The following KLHL6 variants were observed in gnomAD, a reference collection of about 807,000 sequenced individuals.
KLHL6 encodes kelch-like protein 6.
KLHL6 carries 41 observed loss-of-function variants against 58.6 expected under a neutral mutation model. That is an observed-to-expected ratio of 0.70 (90% confidence interval 0.55 to 0.91). The LOEUF (loss-of-function observed/expected upper bound fraction) is 0.91, where lower values mean the gene tolerates loss of function less well. Ranked by LOEUF, KLHL6 falls within the 40% of genes least tolerant of loss-of-function variation. The pLI is 0.00. For missense variants in KLHL6, 714 were observed against 805.6 expected (o/e 0.89, Z 1.38); for synonymous variants, 338 against 322.7 (o/e 1.05, Z -0.51).
At position 183,492,645 on chromosome 3, in the gene KLHL6, A is replaced by G; in HGVS notation, c.1413T>C (p.Tyr471=). The G allele has an allele frequency of 6.2e-7, 1 of 1,614,114 alleles. No individual in the cohort carries two copies. ...FAATSHKKKL[Y]VIGGGPNGKL... ...TCCCATTGGGCCCTCCCCCGATCAC[A>G]TACAGCTTCTTCTTATGGCTGGTGG... Residue 471 remains tyrosine, a synonymous_variant, in exon 6 of 7, where the codon TAT becomes TAC. Coordinates refer to ENST00000341319, the MANE Select transcript of KLHL6 (RefSeq NM_130446.4). This position sits in a 1 kb window ranked among gnomAD's most constrained non-coding sequence, Gnocchi z 5.9.
At chr3:183,539,163 T>G (rs892276302) in intron 1 of KLHL6, among the ~76,000 whole-genome samples, 1 of 152,220 alleles carries the variant, frequency 6.6e-6, no homozygotes, top group Non-Finnish European at 1.5e-5. Flanking sequence ...GGAGACTGAA[T>G]GAAGATCAAG....
At chr3:183,536,219 A>G (rs1384829287) in intron 1 of KLHL6, among the ~76,000 whole-genome samples, 1 of 152,220 alleles carries the variant, frequency 6.6e-6, no homozygotes, top group Non-Finnish European at 1.5e-5. Flanking sequence ...GGGGGGAGGA[A>G]GCCCAGCAAG....
intron 1 of KLHL6, among the ~76,000 whole-genome samples, chr3:183,534,087 T>A: frequency 9.2e-6 from 1 of 108,352 alleles, no homozygotes; most frequent in South Asian, 2.9e-4. Flanking sequence ...TAAAAGTACT[T>A]TACTTTTAAA....
At position 183,555,404 on chromosome 3, in the gene KLHL6, A is replaced by T; in HGVS notation, c.250T>A (p.Ser84Thr). Residue 84 changes from serine to threonine, a missense_variant, in exon 1 of 7, where the codon TCC becomes ACC. By Grantham distance (58) the Ser-to-Thr change is moderately conservative. Coordinates refer to ENST00000341319, the MANE Select transcript of KLHL6 (RefSeq NM_130446.4). ...VILCVDIQEFSCHRVVLAAAS... is the reference protein window; with the variant it reads ...VILCVDIQEFTCHRVVLAAAS... ...GCGGCAAGCACCACGCGGTGGCAGG[A>T]GAATTCCTGAATGTCCACACACAAG... 6.2e-7 allele frequency: 1 copy of T among 1,614,190 alleles called. No individual in the cohort carries two copies. The highest frequency in any genetic ancestry group is 1.6e-4 in the Middle Eastern group (1 of 6,062).
rs1444733866 is a variant in KLHL6, at chr3:183,492,890, C to T, written c.1351-183G>A. On this transcript the variant is annotated intron_variant, in intron 5 of 6. Coordinates refer to ENST00000341319, the MANE Select transcript of KLHL6 (RefSeq NM_130446.4). This position sits in a 1 kb window ranked among gnomAD's most constrained non-coding sequence, Gnocchi z 5.9. ...AAGAATGAAAGCATGCATTTCCCAC[C>T]CTCCCTCCAGGCTCCACGCAAGCTA... 3.4e-6 allele frequency: 2 copies of T among 589,428 alleles called. No homozygotes were observed. Among genetic ancestry groups the T allele is most frequent in the East Asian group, 5.8e-5 (2 of 34,598 alleles). The allele number at this position is 589,428 out of a possible 1,614,324, so 36.5% of individuals were successfully genotyped here.
chr3:183,554,098 G>A (rs1225838902), intron 1 of KLHL6, among the ~76,000 whole-genome samples: 1 of 152,150 alleles, frequency 6.6e-6, no homozygotes, highest in Non-Finnish European at 1.5e-5. Context: ...AATTCTAAGG[G>A]TATTTCTTTT....
In KLHL6 at chr3:183,525,270, AC is replaced by A. The variant is rs900251669; in HGVS notation, c.459+2574del. On this transcript the variant is annotated intron_variant, in intron 2 of 6. Coordinates refer to ENST00000341319, the MANE Select transcript of KLHL6 (RefSeq NM_130446.4). ...CAGAGTGAGACTCTCTAAAAAAAAA[AC>A]ACACACACACACACACACACACACT... Among the ~76,000 whole-genome samples the A allele has an allele frequency of 4.1e-4, 58 of 141,066 alleles. No individual in the cohort carries two copies. In the East Asian group the frequency reaches 0.011, roughly 27 times the overall value. 92.5% of individuals were successfully genotyped at this position (141,066 alleles called of 152,430 possible). A position where few individuals can be genotyped will look rare whatever the true frequency, so the allele number is the denominator to read the frequency against.
chr3:183,535,064 C>T (rs1577198557), intron 1 of KLHL6, among the ~76,000 whole-genome samples: 1 of 151,800 alleles, frequency 6.6e-6, no homozygotes, highest in East Asian at 1.9e-4. Context: ...CCTGCCTCAG[C>T]CTCTTGAGTA....
chr3:183,530,980 C>T (rs998429582), intron 1 of KLHL6, among the ~76,000 whole-genome samples: 4 of 151,844 alleles, frequency 2.6e-5, no homozygotes, highest in Non-Finnish European at 4.4e-5. Context: ...TATAGGCACT[C>T]GCCACCACGC....
intron 2 of KLHL6, among the ~76,000 whole-genome samples, chr3:183,526,548 A>C (rs1711978720): frequency 6.6e-6 from 1 of 152,186 alleles, no homozygotes. Context: ...AACTGAGTAC[A>C]ATCGCTTCAG....
intron 3 of KLHL6, among the ~76,000 whole-genome samples, chr3:183,501,565 G>A (rs919993180): frequency 1.3e-5 from 2 of 152,170 alleles, no homozygotes; most frequent in Non-Finnish European, 2.9e-5. Context: ...CCTGTTGGGT[G>A]ATTGAGAGGC....
At chr3:183,531,514 A>G (rs561505157) in intron 1 of KLHL6, among the ~76,000 whole-genome samples, 4 of 143,458 alleles carry the variant, frequency 2.8e-5, no homozygotes, top group Non-Finnish European at 4.5e-5. Flanking sequence ...CAGTGGCACA[A>G]TCTTGGCTCA....
intron 2 of KLHL6, among the ~76,000 whole-genome samples, chr3:183,514,441 G>C (rs1711507274): frequency 6.6e-6 from 1 of 151,874 alleles, no homozygotes; most frequent in Non-Finnish European, 1.5e-5. Context: ...GCCATCTCTC[G>C]GCCTGAGCTG....
chr3:183,508,540 A>G (rs748734043), intron 2 of KLHL6, 32 bp from the exon 3 acceptor site: 11 of 1,589,554 alleles, frequency 6.9e-6, no homozygotes, highest in East Asian at 6.7e-5. Context: ...AAAGGAGGCC[A>G]GAAAATGGTG....
chr3:183,510,742 C>T (rs1216802506), intron 2 of KLHL6, among the ~76,000 whole-genome samples: 3 of 151,950 alleles, frequency 2.0e-5, no homozygotes, highest in African/African-American at 7.3e-5. Context: ...GGCGTGGTGG[C>T]ACATGCCTGT....
At chr3:183,537,445 C>T (rs1401313172) in intron 1 of KLHL6, among the ~76,000 whole-genome samples, 1 of 152,154 alleles carries the variant, frequency 6.6e-6, no homozygotes, top group Non-Finnish European at 1.5e-5. Context: ...AAAACACTTT[C>T]TAGAAAGACA....
At chr3:183,541,121 A>G (rs1712538448) in intron 1 of KLHL6, among the ~76,000 whole-genome samples, 1 of 152,222 alleles carries the variant, frequency 6.6e-6, no homozygotes, top group Non-Finnish European at 1.5e-5. Context: ...GAAACTTGCA[A>G]GCTGGCACTG....
At chr3:183,536,619 C>G (rs929204041) in intron 1 of KLHL6, among the ~76,000 whole-genome samples, 69 of 152,288 alleles carry the variant, frequency 4.5e-4, no homozygotes, top group African/African-American at 1.6e-3. Context: ...CAGTGAGCTG[C>G]ACAGAAGAAT....
intron 2 of KLHL6, among the ~76,000 whole-genome samples, chr3:183,526,384 A>G (rs1711968677): frequency 6.6e-6 from 1 of 152,212 alleles, no homozygotes; most frequent in African/African-American, 2.4e-5. Context: ...TCTGTCCCTT[A>G]TGATGCCGTG....
Sources: gnomAD v4.1 joint callset for allele counts (sites outside exome capture counted in the v4.1 genomes callset) on GRCh38, gnomAD v4.1.1 for gene constraint, Gnocchi (gnomAD v3.1) non-coding constraint, MANE v1.5 for transcripts, NCBI Gene and HGNC (gene_info 2026-07-23, HGNC 2026-07-21) for gene names.